Variants in SASH1 observed in about 807,000 individuals in gnomAD.
SASH1 encodes the protein SAM and SH3 domain-containing protein 1.
SASH1 carries 44 observed loss-of-function variants against 125.2 expected under a neutral mutation model. That is an observed-to-expected ratio of 0.35 (90% CI 0.28 to 0.45). SASH1 has a LOEUF of 0.45. Ranked by LOEUF, SASH1 falls within the 20% of genes least tolerant of loss-of-function variation. SASH1 has a pLI of 1.00. For missense variants in SASH1, 1,426 were observed against 1,614.5 expected (o/e 0.88, Z 2.00); for synonymous variants, 639 against 649.1 (o/e 0.98, Z 0.24).
At chr6:148,395,802 G>C (rs1028462412) in intron 2 of SASH1, among the ~76,000 whole-genome samples, 3 of 152,134 alleles carry the variant, frequency 2.0e-5, no homozygotes, top group African/African-American at 7.2e-5. Context: ...AGTCCATAAT[G>C]GTCCAACTTG....
intron 1 of SASH1, chr6:148,272,460 A>G: frequency 2.3e-6 from 1 of 439,746 alleles, no homozygotes; most frequent in Non-Finnish European, 4.9e-6. Flanking sequence ...GGAAAGGACT[A>G]TTGTGGGAAA....
At chr6:148,293,211 A>C (rs866013463) in intron 1 of SASH1, among the ~76,000 whole-genome samples, 30 of 152,196 alleles carry the variant, frequency 2.0e-4, no homozygotes, top group Admixed American at 2.0e-4. Flanking sequence ...GTAGGTGCTC[A>C]GTGCTGCTGG....
chr6:148,281,613 G>C (rs774287714), intron 1 of SASH1, among the ~76,000 whole-genome samples: 3 of 152,068 alleles, frequency 2.0e-5, no homozygotes, highest in Non-Finnish European at 2.9e-5. Flanking sequence ...ACATAGAGAA[G>C]TGACCGAATT....
rs140465347 is a variant in SASH1 at position 148,519,715 on chromosome 6, G to C, written c.1031G>C (p.Trp344Ser). 365 of 1,614,110 alleles carry C rather than the reference G, an allele frequency of 2.3e-4. No individual in the cohort carries two copies. Among genetic ancestry groups the C allele is most frequent in the Non-Finnish European group, 3.0e-4 (349 of 1,180,026 alleles). ...CCATCCTCCAGCAGCCTGGACACCT[G>C]GGGGGCTGGCCGGAAGTTGGTCAAA... ...TSPSSSSLDT[W>S]GAGRKLVKTF... Residue 344 changes from tryptophan to serine, a missense_variant, in exon 10 of 20, where the codon TGG (tryptophan) becomes TCG (serine). Trp to Ser is a radical substitution (Grantham distance 177). This residue lies in a region of SASH1 where 567 missense variants were observed against 575.6 expected (regional missense o/e 0.99). Coordinates refer to ENST00000367467, the MANE Select transcript of SASH1 (RefSeq NM_015278.5). The surrounding 1 kb of genome is among the most constrained non-coding windows in gnomAD (Gnocchi z 4.8).
At chr6:148,210,433 TG>T in the SASH1 span, among the ~76,000 whole-genome samples, 1 of 152,208 alleles carries the variant, frequency 6.6e-6, no homozygotes, top group African/African-American at 2.4e-5. Flanking sequence ...CTTGGGAGGC[TG>T]AGGCAGGAGA....
chr6:148,378,389 C>G (rs1245448189), intron 1 of SASH1, among the ~76,000 whole-genome samples: 1 of 142,832 alleles, frequency 7.0e-6, no homozygotes, highest in Non-Finnish European at 1.5e-5. Context: ...GGGTCTCACT[C>G]TGTCGCCCAG....
chr6:148,332,936 G>C (rs1043298030), intron 1 of SASH1, among the ~76,000 whole-genome samples: 30 of 152,134 alleles, frequency 2.0e-4, no homozygotes, highest in African/African-American at 6.3e-4. Context: ...GCAGTGAGCC[G>C]AGATTGTGGC....
chr6:148,231,562 T>C, the SASH1 span, among the ~76,000 whole-genome samples: 4 of 152,292 alleles, frequency 2.6e-5, no homozygotes, highest in Admixed American at 6.5e-5. Context: ...TTACAACAAC[T>C]TGTGATGTTT....
At chr6:148,545,799 G>C (rs909405362) in intron 18 of SASH1, among the ~76,000 whole-genome samples, 1 of 152,216 alleles carries the variant, frequency 6.6e-6, no homozygotes, top group Non-Finnish European at 1.5e-5. Flanking sequence ...TTTTGGGTTG[G>C]GTGTGGTGGC....
intron 1 of SASH1, among the ~76,000 whole-genome samples, chr6:148,332,947 A>C: frequency 6.6e-6 from 1 of 152,320 alleles, no homozygotes; most frequent in African/African-American, 2.4e-5. Flanking sequence ...AGATTGTGGC[A>C]CTGCACTCCA....
chr6:148,526,189 G>A (rs531664117), intron 11 of SASH1, among the ~76,000 whole-genome samples: 140 of 150,372 alleles, frequency 9.3e-4, no homozygotes, highest in South Asian at 2.3e-3. Context: ...TCAGCCTCCC[G>A]ACTGGCTAGG....
chr6:148,245,989 CA>C, the SASH1 span, among the ~76,000 whole-genome samples: 130 of 139,576 alleles, frequency 9.3e-4, no homozygotes, highest in East Asian at 0.011. Context: ...TCTAAAAAAA[CA>C]AAAAAAAAAG....
At chr6:148,527,708 C>A in intron 12 of SASH1, 112 bp downstream of exon 12, 1 of 1,041,276 alleles carries the variant, frequency 9.6e-7, no homozygotes, top group Non-Finnish European at 1.4e-6. Flanking sequence ...TTGGCATTAA[C>A]CTGCTCCAAG....
upstream of SASH1, among the ~76,000 whole-genome samples, chr6:148,340,070 A>G (rs1781276487): frequency 2.0e-5 from 3 of 152,148 alleles, no homozygotes. Flanking sequence ...GCTTCATCCT[A>G]ACCCCAGCCC....
rs1216521634 is a variant in SASH1 at position 148,387,676 on chromosome 6, CTT to C, written c.157-2456_157-2455del. 7.6e-5 allele frequency among the ~76,000 whole-genome samples: 7 copies of C among 91,974 alleles called. No homozygotes were observed. In the East Asian group the frequency reaches 1.3e-3, roughly 18 times the overall value. The allele number at this position is 91,974 out of a possible 152,430, so 60.3% of individuals were successfully genotyped here. A position where few individuals can be genotyped will look rare whatever the true frequency, so the allele number is the denominator to read the frequency against. The stretch of plus-strand genomic sequence containing the variant: ...TCTTTCTTTCTTTCTTTCTTTCTTT[CTT>C]TCTTTCTTTCTTTCGGCATCCTTAG... On this transcript the variant is annotated intron_variant, in intron 1 of 19. Coordinates refer to ENST00000367467, the MANE Select transcript of SASH1 (RefSeq NM_015278.5).
chr6:148,389,886 T>G (rs1475391628), intron 1 of SASH1, among the ~76,000 whole-genome samples: 2 of 152,202 alleles, frequency 1.3e-5, no homozygotes, highest in Non-Finnish European at 2.9e-5. Flanking sequence ...GTCCTGGGAT[T>G]TGTGGGCAGT....
intron 4 of SASH1, among the ~76,000 whole-genome samples, chr6:148,467,088 CTTT>C (rs71004298): frequency 1.4e-5 from 1 of 69,938 alleles, no homozygotes; most frequent in Non-Finnish European, 2.4e-5. Flanking sequence ...TTCCCTGTTC[CTTT>C]TTTTTTTTTT....
intron 8 of SASH1, chr6:148,512,872 A>G (rs1018862541): frequency 1.4e-5 from 14 of 985,162 alleles, no homozygotes; most frequent in African/African-American, 1.4e-4. Context: ...TGTTAGGTTT[A>G]TAGTTAACCA....
chr6:148,374,753 AGTG>A (rs1203263253), intron 1 of SASH1, among the ~76,000 whole-genome samples: 2 of 151,812 alleles, frequency 1.3e-5, no homozygotes, highest in African/African-American at 4.8e-5. Context: ...GCTGGAGTGC[AGTG>A]GTGCGATCTC....
Sources: allele counts gnomAD v4.1 joint callset (sites outside exome capture counted in the v4.1 genomes callset), GRCh38; gene constraint gnomAD v4.1.1; regional missense constraint gnomAD v4.1.1; non-coding constraint Gnocchi (gnomAD v3.1); transcripts MANE v1.5; gene names NCBI Gene and HGNC (gene_info 2026-07-23, HGNC 2026-07-21).